Variants in DOCK9 observed in about 807,000 individuals in gnomAD.
The protein encoded by DOCK9 is dedicator of cytokinesis protein 9.
In DOCK9, 89 loss-of-function variants were observed where a neutral mutation model predicts 263.3. The observed-to-expected ratio is 0.34, with a 90% CI of 0.28 to 0.40. DOCK9 has a LOEUF of 0.40. DOCK9 is among the 10% of genes least tolerant of loss of function. The probability of loss-of-function intolerance (pLI) is 1.00; values close to 1 mark genes in which losing one functional copy is unlikely to be tolerated. For missense variants in DOCK9, 2,140 were observed against 2,603.4 expected, an observed-to-expected ratio of 0.82 and a Z score of 3.87; for synonymous variants, 976 against 973.1, an observed-to-expected ratio of 1.00 and a Z score of -0.06.
At chr13:99,017,607 C>G (rs1296110876) in intron 1 of DOCK9, among the ~76,000 whole-genome samples, 1 of 152,076 alleles carries the variant, frequency 6.6e-6, no homozygotes, top group Admixed American at 6.5e-5. Flanking sequence ...ACTTTTAGAA[C>G]CCTCCATTCG....
chr13:98,977,984 A>T lies in DOCK9; in HGVS notation c.-75T>A. The T allele has an allele frequency of 6.7e-7, 1 of 1,500,246 alleles. No individual in the cohort carries two copies. The highest frequency in any genetic ancestry group is 1.4e-5 in the South Asian group (1 of 73,784). 92.9% of individuals were successfully genotyped at this position (1,500,246 alleles called of 1,614,324 possible). On this transcript the variant is annotated 5_prime_UTR_variant, in exon 1 of 53. An upstream start codon of the reference 5' UTR is lost. Coordinates refer to ENST00000682017, the MANE Select transcript of DOCK9 (RefSeq NM_001366683.2). ...GTCCCTGGCCGTGCAAGGCACAGGC[A>T]TGCCAGTGGTCCAAGGAAGGAAAGG...
intron 12 of DOCK9, 126 bp from the exon 13 acceptor site, chr13:98,902,026 G>C (rs757885548): frequency 2.5e-6 from 3 of 1,214,568 alleles, no homozygotes; most frequent in Non-Finnish European, 3.4e-6. Context: ...TGCCAAACTA[G>C]TTAGCTGACA....
intron 1 of DOCK9, among the ~76,000 whole-genome samples, chr13:99,049,562 G>A (rs1206785059): frequency 6.6e-6 from 1 of 152,146 alleles, no homozygotes; most frequent in African/African-American, 2.4e-5. Flanking sequence ...CTGTTACCCA[G>A]GCTGGAGTGC....
intron 2 of DOCK9, among the ~76,000 whole-genome samples, chr13:98,941,530 A>G (rs2055846050): frequency 6.6e-6 from 1 of 152,192 alleles, no homozygotes; most frequent in Non-Finnish European, 1.5e-5. Flanking sequence ...AATGTTCAGA[A>G]CCCTTAATAA....
chr13:99,024,958 T>C (rs1360665614), intron 1 of DOCK9, among the ~76,000 whole-genome samples: 1 of 152,208 alleles, frequency 6.6e-6, no homozygotes, highest in Non-Finnish European at 1.5e-5. Flanking sequence ...CATAAAAATT[T>C]ACATTCTTTA....
intron 43 of DOCK9, among the ~76,000 whole-genome samples, chr13:98,828,964 C>T (rs2140894127): frequency 6.6e-6 from 1 of 152,164 alleles, no homozygotes; most frequent in Admixed American, 6.5e-5. Context: ...CCTGTCATTA[C>T]CTTAAATAAC....
intron 50 of DOCK9, 67 bp downstream of exon 50, chr13:98,800,221 C>A: frequency 6.8e-7 from 1 of 1,477,044 alleles, no homozygotes; most frequent in Non-Finnish European, 9.1e-7. Flanking sequence ...TTAGTGGAAA[C>A]GACTCTCAAG....
At chr13:98,923,929 T>C (rs533577332) in intron 4 of DOCK9, among the ~76,000 whole-genome samples, 12 of 152,340 alleles carry the variant, frequency 7.9e-5, no homozygotes, top group African/African-American at 2.9e-4. Flanking sequence ...CAGAGTCGTC[T>C]GAGGCAGAAC....
chr13:98,984,096 G>A (rs751667289), intron 1 of DOCK9, among the ~76,000 whole-genome samples: 68 of 152,264 alleles, frequency 4.5e-4, no homozygotes, highest in Middle Eastern at 6.8e-3. Context: ...CTAAAGAAAG[G>A]CCAAGGGAGT....
At chr13:98,839,836 A>G (rs796866744) in intron 38 of DOCK9, among the ~76,000 whole-genome samples, 10 of 152,378 alleles carry the variant, frequency 6.6e-5, no homozygotes, top group African/African-American at 2.4e-4. Context: ...ATATGGAAAC[A>G]TGGTACTGGG....
At chr13:98,806,779 C>T (rs531016430) in intron 48 of DOCK9, among the ~76,000 whole-genome samples, 10 of 151,986 alleles carry the variant, frequency 6.6e-5, no homozygotes, top group Non-Finnish European at 1.0e-4. Context: ...CGTGGTGGCG[C>T]GTTCCTGTAA....
intron 45 of DOCK9, chr13:98,820,748 T>C (rs1021685812): frequency 7.9e-6 from 3 of 377,790 alleles, no homozygotes; most frequent in African/African-American, 4.3e-5. Context: ...TATTGAGATA[T>C]CTAGACACTC....
chr13:98,829,436 C>G lies in DOCK9; in HGVS notation c.4836G>C (p.Glu1612Asp), dbSNP rs777037052. The G allele has an allele frequency of 6.2e-7, 1 of 1,613,944 alleles. No homozygotes were observed. Among genetic ancestry groups the G allele is most frequent in the African/African-American group, 1.3e-5 (1 of 75,034 alleles). ...GGTCCACCAGCATCTCTGGGTCGTTCTCATGCTCCTTCATCTGGGCGGTGG... is the reference window on the plus strand; with the variant it reads ...GGTCCACCAGCATCTCTGGGTCGTTGTCATGCTCCTTCATCTGGGCGGTGG... The part of the protein sequence containing the change: ...LMATAQMKEH[E>D]NDPEMLVDLQ... The change falls in exon 43 of 53, where the codon GAG becomes GAC. Residue 1612 changes from glutamate (E) to aspartate (D), a missense_variant. Physicochemically the swap from Glu to Asp is conservative, Grantham distance 45. Coordinates refer to ENST00000682017, the MANE Select transcript of DOCK9 (RefSeq NM_001366683.2). This position sits in a 1 kb window ranked among gnomAD's most constrained non-coding sequence, Gnocchi z 4.1.
intron 1 of DOCK9, among the ~76,000 whole-genome samples, chr13:99,024,679 A>G (rs542898471): frequency 1.3e-5 from 2 of 152,354 alleles, no homozygotes; most frequent in African/African-American, 4.8e-5. Flanking sequence ...CGAAGAGGAA[A>G]ACATAAAACA....
At chr13:98,980,484 A>C (rs1433018096), upstream of DOCK9, among the ~76,000 whole-genome samples, 1 of 152,268 alleles carries the variant, frequency 6.6e-6, no homozygotes, top group Non-Finnish European at 1.5e-5. Context: ...AAACTGCTAA[A>C]AGGCACAATA....
Position 98,924,419 on chromosome 13 carries a change from T to A in DOCK9, c.417-1048A>T, listed in dbSNP as rs188183195. ...AGGTCTCAAGTAATATTTTCATTGG[T>A]GATGGTTAGTTTTAAAACATAATCC... On this transcript the variant is annotated intron_variant, in intron 4 of 52. Transcript: ENST00000682017. Among the ~76,000 whole-genome samples the A allele has an allele frequency of 4.1e-4, 62 of 152,372 alleles. 1 individual carries two copies. In the East Asian group the frequency reaches 7.3e-3, roughly 18 times the overall value.
chr13:99,051,306 T>C (rs2040684317), intron 1 of DOCK9, among the ~76,000 whole-genome samples: 1 of 152,112 alleles, frequency 6.6e-6, no homozygotes, highest in Admixed American at 6.5e-5. Context: ...TTTGCTTTAC[T>C]GATTTCTGCT....
intron 3 of DOCK9, among the ~76,000 whole-genome samples, chr13:98,927,952 T>A (rs2053276075): frequency 1.4e-5 from 2 of 143,290 alleles, no homozygotes. Context: ...ATGGGGAAAA[T>A]AATTACAGTT....
intron 1 of DOCK9, among the ~76,000 whole-genome samples, chr13:99,031,050 A>G (rs1887283732): frequency 6.6e-6 from 1 of 151,874 alleles, no homozygotes; most frequent in Non-Finnish European, 1.5e-5. Context: ...ACTCATGTAA[A>G]TTATCTCAAA....
Sources: allele counts gnomAD v4.1 joint callset (sites outside exome capture counted in the v4.1 genomes callset), GRCh38; gene constraint gnomAD v4.1.1; non-coding constraint Gnocchi (gnomAD v3.1); transcripts MANE v1.5; gene names NCBI Gene and HGNC (gene_info 2026-07-23, HGNC 2026-07-21).